KCNIP4: variants seen among roughly 807,000 people sequenced by gnomAD.
KCNIP4 encodes the protein potassium voltage-gated channel interacting protein 4.
In KCNIP4, 12 loss-of-function variants were observed where a neutral mutation model predicts 34.0. The observed-to-expected ratio is 0.35, with a 90% CI of 0.23 to 0.57. The LOEUF is 0.57. Ranked by LOEUF, KCNIP4 falls within the 20% of genes least tolerant of loss-of-function variation. The pLI is 0.83. For missense variants in KCNIP4, 238 were observed against 311.7 expected (o/e 0.76, Z 1.78); for synonymous variants, 124 against 102.2 (o/e 1.21, Z -1.29).
At chr4:21,825,596 C>T (rs182683758) in intron 1 of KCNIP4, among the ~76,000 whole-genome samples, 1 of 152,072 alleles carries the variant, frequency 6.6e-6, no homozygotes, top group Non-Finnish European at 1.5e-5. Context: ...TGTGAAGATG[C>T]TTTAAAAGCT....
chr4:21,260,169 G>C lies in KCNIP4; in HGVS notation c.62-377460C>G, dbSNP rs577849622. On this transcript the variant is annotated intron_variant, in intron 1 of 8. Transcript: ENST00000382152. Reference sequence around the variant, plus strand: ...GAGCGTTTATGGTCTTTCTATTTAGGAAAGAGTCTCTGGCTTTAAGCGGCT... The same window carrying C: ...GAGCGTTTATGGTCTTTCTATTTAGCAAAGAGTCTCTGGCTTTAAGCGGCT... Among the ~76,000 whole-genome samples, 12 of 145,316 alleles carry C rather than the reference G, an allele frequency of 8.3e-5. No individual in the cohort carries two copies. The East Asian group carries it at 1.8e-3, about 21-fold the overall frequency.
intron 1 of KCNIP4, among the ~76,000 whole-genome samples, chr4:21,749,705 C>T (rs1167099978): frequency 2.0e-5 from 3 of 152,090 alleles, no homozygotes; most frequent in Non-Finnish European, 4.4e-5. Context: ...TGCTATACTG[C>T]CGTCACACTG....
At chr4:21,935,373 C>T (rs189120553) in intron 1 of KCNIP4, among the ~76,000 whole-genome samples, 1 of 152,152 alleles carries the variant, frequency 6.6e-6, no homozygotes, top group African/African-American at 2.4e-5. Flanking sequence ...TAAATGCCTA[C>T]CCACTACATA....
chr4:21,232,463 A>G (rs972300337), intron 1 of KCNIP4, among the ~76,000 whole-genome samples: 5 of 152,284 alleles, frequency 3.3e-5, no homozygotes, highest in African/African-American at 7.2e-5. Flanking sequence ...TACTGGGACT[A>G]TGTCTAAAAT....
At chr4:21,284,445 A>G (rs767980134) in intron 1 of KCNIP4, among the ~76,000 whole-genome samples, 22 of 152,292 alleles carry the variant, frequency 1.4e-4, no homozygotes, top group Middle Eastern at 3.4e-3. Context: ...CTGAGACACA[A>G]TGAAGTTAAA....
At chr4:21,387,886 C>A (rs900454078) in intron 1 of KCNIP4, among the ~76,000 whole-genome samples, 3 of 152,180 alleles carry the variant, frequency 2.0e-5, no homozygotes, top group African/African-American at 7.2e-5. Context: ...AGGTGTGGTG[C>A]TAAGCAGTTA....
intron 1 of KCNIP4, among the ~76,000 whole-genome samples, chr4:21,551,113 G>A (rs79588852): frequency 0.059 from 8,982 of 152,040 alleles, 360 homozygotes; most frequent in Non-Finnish European, 0.089. Context: ...GGAGATAGAC[G>A]TAGATATATG....
At chr4:21,030,763 G>A (rs1740956824) in intron 1 of KCNIP4, among the ~76,000 whole-genome samples, 1 of 152,160 alleles carries the variant, frequency 6.6e-6, no homozygotes. Flanking sequence ...TCAATGAAGT[G>A]TATAGTTCAT....
chr4:21,561,227 C>T (rs1218524166), intron 1 of KCNIP4, among the ~76,000 whole-genome samples: 1 of 151,878 alleles, frequency 6.6e-6, no homozygotes, highest in Non-Finnish European at 1.5e-5. Flanking sequence ...GTCCTCAGGA[C>T]CTTTTGGGGG....
chr4:21,070,063 G>A (rs1744750463), intron 1 of KCNIP4, among the ~76,000 whole-genome samples: 1 of 152,294 alleles, frequency 6.6e-6, no homozygotes. Flanking sequence ...ATCACTGAGA[G>A]ACTACTATAT....
At chr4:20,986,802 A>C (rs1577489266) in intron 1 of KCNIP4, among the ~76,000 whole-genome samples, 1 of 152,186 alleles carries the variant, frequency 6.6e-6, no homozygotes, top group East Asian at 1.9e-4. Context: ...ATAAAGTCCC[A>C]TGAATATGAT....
intron 3 of KCNIP4, among the ~76,000 whole-genome samples, chr4:20,792,304 C>T (rs1242625506): frequency 6.6e-6 from 1 of 151,896 alleles, no homozygotes; most frequent in African/African-American, 2.4e-5. Flanking sequence ...AACCCGGGGG[C>T]AGAGGTTGCA....
At chr4:21,523,533 C>T (rs1735716796) in intron 1 of KCNIP4, among the ~76,000 whole-genome samples, 1 of 151,550 alleles carries the variant, frequency 6.6e-6, no homozygotes, top group Non-Finnish European at 1.5e-5. Flanking sequence ...TCCTTCTTTG[C>T]TTCCTTCCTT....
chr4:21,234,210 GTATATTATATATAACATATATAACA>G (rs1189437960), intron 1 of KCNIP4, among the ~76,000 whole-genome samples: 9 of 31,456 alleles, frequency 2.9e-4, no homozygotes, highest in Non-Finnish European at 3.1e-4. Context: ...CATATATAAC[GTATATTATATATAACATATATAACA>G]TATATATAAC....
intron 1 of KCNIP4, among the ~76,000 whole-genome samples, chr4:20,992,075 T>G (rs559624537): frequency 5.3e-5 from 8 of 152,326 alleles, no homozygotes; most frequent in African/African-American, 9.6e-5. Context: ...TTAGCATATT[T>G]TGTTGTATAG....
intron 1 of KCNIP4, among the ~76,000 whole-genome samples, chr4:21,035,001 C>A (rs571932337): frequency 6.6e-6 from 1 of 152,298 alleles, no homozygotes; most frequent in South Asian, 2.1e-4. Context: ...TACCATCCAG[C>A]ATGATTGATA....
chr4:21,221,579 C>G (rs1008090536), intron 1 of KCNIP4, among the ~76,000 whole-genome samples: 2 of 152,084 alleles, frequency 1.3e-5, no homozygotes, highest in Non-Finnish European at 2.9e-5. Context: ...GGGAACCGCA[C>G]CCATGATTCA....
chr4:21,771,194 G>A (rs1377910042), intron 1 of KCNIP4, among the ~76,000 whole-genome samples: 2 of 152,260 alleles, frequency 1.3e-5, no homozygotes, highest in African/African-American at 4.8e-5. Context: ...TTACTGAATA[G>A]GAGATCATTT....
chr4:21,556,277 GT>G (rs1200701790), intron 1 of KCNIP4, among the ~76,000 whole-genome samples: 5 of 152,054 alleles, frequency 3.3e-5, no homozygotes, highest in Non-Finnish European at 7.4e-5. Flanking sequence ...TGTATGATGT[GT>G]TTTATCAACA....
Sources: allele counts gnomAD v4.1 joint callset (sites outside exome capture counted in the v4.1 genomes callset), GRCh38; gene constraint gnomAD v4.1.1; transcripts MANE v1.5; gene names NCBI Gene and HGNC (gene_info 2026-07-23, HGNC 2026-07-21).